The following DNAH9 variants were observed in gnomAD, a reference collection of about 807,000 sequenced individuals.
DNAH9 encodes the protein DNAH9 variant protein.
Under a neutral mutation model 471.6 loss-of-function variants are expected in DNAH9, and 345 were observed. The observed-to-expected ratio is 0.73, with a 90% confidence interval of 0.67 to 0.80. The LOEUF (loss-of-function observed/expected upper bound fraction) is 0.80, where lower values mean the gene tolerates loss of function less well. Among genes scored for constraint, DNAH9 ranks in the 30% least tolerant of loss-of-function variants. The pLI is 0.00. For synonymous variants in DNAH9, 2,093 were observed against 2,123.6 expected, an observed-to-expected ratio of 0.99 and a Z score of 0.40; for missense variants, 5,407 against 5,609.2, an observed-to-expected ratio of 0.96 and a Z score of 1.15.
Position 11,632,593 on chromosome 17 carries a change from GA to G in DNAH9, c.1529del (p.Asn510MetfsTer10). On this transcript the variant is annotated frameshift_variant, in exon 8 of 69. Transcript: ENST00000262442. LOFTEE classifies it high-confidence loss of function. ...DCLYLQSTDF[E>X]NDVSEFNQKV... ...ATATATGGTGTCTCTTCAGGACTTTGAAAATGACGTCTCTGAATTTAACCAG... is the reference window on the plus strand; with the variant it reads ...ATATATGGTGTCTCTTCAGGACTTTGAAATGACGTCTCTGAATTTAACCAG... 6.4e-7 allele frequency: 1 copy of G among 1,561,886 alleles called. No individual in the cohort carries two copies. Among genetic ancestry groups the G allele is most frequent in the Non-Finnish European group, 8.8e-7 (1 of 1,132,486 alleles).
chr17:11,675,938 C>T (rs1037146353), intron 17 of DNAH9, among the ~76,000 whole-genome samples: 1 of 151,606 alleles, frequency 6.6e-6, no homozygotes, highest in African/African-American at 2.4e-5. Context: ...ATTGTGCTAG[C>T]TTCATAGAAC....
At chr17:11,749,618 C>T (rs1967065753) in intron 32 of DNAH9, among the ~76,000 whole-genome samples, 2 of 151,990 alleles carry the variant, frequency 1.3e-5, no homozygotes, top group Admixed American at 1.3e-4. Context: ...TTTACATTAA[C>T]ATTTTTTATC....
chr17:11,682,063 G>GT (rs2074142228), intron 19 of DNAH9, among the ~76,000 whole-genome samples: 2 of 152,156 alleles, frequency 1.3e-5, no homozygotes, highest in Admixed American at 1.3e-4. Context: ...GTCCAGGATC[G>GT]TTCTGGTTGT....
intron 53 of DNAH9, among the ~76,000 whole-genome samples, chr17:11,878,212 G>A (rs1254812293): frequency 2.0e-5 from 3 of 148,814 alleles, no homozygotes; most frequent in Admixed American, 1.4e-4. Context: ...ATGCATTGTA[G>A]GCCCTTAATA....
chr17:11,796,323 C>T (rs4792178), intron 42 of DNAH9, among the ~76,000 whole-genome samples: 113,024 of 152,224 alleles, frequency 0.74, 42,874 homozygotes, highest in African/African-American at 0.9. Flanking sequence ...CTGCACTGCG[C>T]TTACATCTTA....
intron 57 of DNAH9, 126 bp downstream of exon 57, chr17:11,887,091 G>A: frequency 7.8e-7 from 1 of 1,277,740 alleles, no homozygotes; most frequent in Non-Finnish European, 1.1e-6. Flanking sequence ...ATCAAAGCCA[G>A]GAGAGGAGCT....
chr17:11,927,521 G>A (rs532130917), intron 62 of DNAH9, among the ~76,000 whole-genome samples: 5 of 152,222 alleles, frequency 3.3e-5, no homozygotes, highest in East Asian at 3.9e-4. Flanking sequence ...GAATCCTTTC[G>A]CCATTGCTTG....
At position 11,784,523 on chromosome 17, in the gene DNAH9, T is replaced by C. The variant is rs1219979133; in HGVS notation, c.8045T>C (p.Phe2682Ser). The C allele has an allele frequency of 6.2e-7, 1 of 1,614,194 alleles. No homozygotes were observed. ...KFHYIFNLRD[F>S]ANIFQGILFS... ...CACTACATCTTCAACCTCAGAGATT[T>C]TGCCAACATTTTCCAGGTGAGTTCA... The change falls in exon 41 of 69, where the codon TTT becomes TCT. Residue 2682 changes from phenylalanine (F) to serine (S), a missense_variant. Coordinates refer to ENST00000262442, the MANE Select transcript of DNAH9 (RefSeq NM_001372.4).
At chr17:11,807,599 A>G (rs1969737488) in intron 43 of DNAH9, 133 bp from the exon 44 acceptor site, 1 of 980,952 alleles carries the variant, frequency 1.0e-6, no homozygotes, top group Non-Finnish European at 1.5e-6. Flanking sequence ...GGGACAATCT[A>G]ATAAACGTTT....
At chr17:11,742,570 G>A (rs771415604) in intron 30 of DNAH9, among the ~76,000 whole-genome samples, 2 of 152,044 alleles carry the variant, frequency 1.3e-5, no homozygotes, top group African/African-American at 2.4e-5. Context: ...AGACACCAGC[G>A]TCCCATGAGA....
intron 12 of DNAH9, 22 bp from the exon 13 acceptor site, chr17:11,651,047 T>C: frequency 1.2e-6 from 2 of 1,609,714 alleles, no homozygotes; most frequent in Non-Finnish European, 1.7e-6. Flanking sequence ...CGACAGACAC[T>C]TGTGTTGCTT....
At chr17:11,849,722 C>G (rs1022390984) in intron 49 of DNAH9, among the ~76,000 whole-genome samples, 4 of 152,300 alleles carry the variant, frequency 2.6e-5, no homozygotes, top group Admixed American at 1.3e-4. Context: ...CAAGAATTCT[C>G]TCTCCTGAGC....
intron 65 of DNAH9, among the ~76,000 whole-genome samples, chr17:11,936,259 A>G (rs1974709816): frequency 6.6e-6 from 1 of 152,166 alleles, no homozygotes; most frequent in Non-Finnish European, 1.5e-5. Context: ...AACACCAAGG[A>G]ATCGTCAAAA....
chr17:11,742,076 C>A (rs2075440983), intron 29 of DNAH9, 99 bp from the exon 30 acceptor site: 3 of 1,055,024 alleles, frequency 2.8e-6, no homozygotes, highest in Non-Finnish European at 4.2e-6. Flanking sequence ...CTCACAGATG[C>A]CTCCATGTGT....
At chr17:11,819,513 G>T (rs1970235175) in intron 45 of DNAH9, among the ~76,000 whole-genome samples, 1 of 151,968 alleles carries the variant, frequency 6.6e-6, no homozygotes, top group Non-Finnish European at 1.5e-5. Context: ...CACCTCCTGG[G>T]TTCAAGCGAT....
intron 45 of DNAH9, among the ~76,000 whole-genome samples, chr17:11,819,196 G>A (rs1402009490): frequency 2.0e-5 from 3 of 151,984 alleles, no homozygotes; most frequent in East Asian, 1.9e-4. Context: ...ATTTCCTTGC[G>A]AAACAATTTG....
Position 11,886,968 on chromosome 17 carries a change from G to A in DNAH9, c.11112+3G>A, listed in dbSNP as rs775361449. The stretch of plus-strand genomic sequence containing the variant: ...CAATGTACCAGTTTTCTCTCAAGGT[G>A]ACTTACACCTGGAGTTTCTTGCCTG... On this transcript the variant is annotated splice_donor_region_variant and intron_variant, in intron 57 of 68. Transcript: ENST00000262442. 35 of 1,607,130 alleles carry A rather than the reference G, an allele frequency of 2.2e-5. No homozygotes were observed. The highest frequency in any genetic ancestry group is 2.9e-5 in the Non-Finnish European group (34 of 1,176,896).
intron 45 of DNAH9, among the ~76,000 whole-genome samples, chr17:11,820,272 A>G (rs1970262363): frequency 6.6e-6 from 1 of 151,946 alleles, no homozygotes; most frequent in African/African-American, 2.4e-5. Flanking sequence ...TGGTCATCAT[A>G]TACTAATTTA....
At position 11,937,555 on chromosome 17, in the gene DNAH9, T is replaced by C; in HGVS notation, c.12660+33T>C. ...TGGTGGGGACTGCCTGAGGTCGTTC[T>C]GGGGGACCCCGAGGATCATAGATGC... On this transcript the variant is annotated intron_variant, in intron 66 of 68. Coordinates refer to ENST00000262442, the MANE Select transcript of DNAH9 (RefSeq NM_001372.4). This position sits in a 1 kb window ranked among gnomAD's most constrained non-coding sequence, Gnocchi z 4.1. The C allele has an allele frequency of 1.9e-6, 3 of 1,578,498 alleles. No homozygotes were observed. The highest frequency in any genetic ancestry group is 2.6e-6 in the Non-Finnish European group (3 of 1,159,106).
Sources: gnomAD v4.1 joint callset for allele counts (sites outside exome capture counted in the v4.1 genomes callset) on GRCh38, gnomAD v4.1.1 for gene constraint, Gnocchi (gnomAD v3.1) non-coding constraint, MANE v1.5 for transcripts, NCBI Gene and HGNC (gene_info 2026-07-23, HGNC 2026-07-21) for gene names.